Variants in UIMC1 observed in about 807,000 individuals in gnomAD.
UIMC1 encodes the protein BRCA1-A complex subunit RAP80.
In UIMC1, 42 loss-of-function variants were observed where a neutral mutation model predicts 84.9. That is an observed-to-expected ratio of 0.49 (90% CI 0.39 to 0.64). The LOEUF (loss-of-function observed/expected upper bound fraction) is 0.64. UIMC1 is among the 30% of genes least tolerant of loss of function. UIMC1 has a pLI of 0.00. For synonymous variants in UIMC1, 281 were observed against 293.0 expected (o/e 0.96, Z 0.42); for missense variants, 825 against 847.6 (o/e 0.97, Z 0.33).
At position 176,905,214 on chromosome 5, in the gene UIMC1, A is replaced by C; in HGVS notation, c.*68T>G. ...CTTGCTCAACAATGAACTAGGGACC[A>C]CTATGGCTTAATGAACATGGCCCAC... On this transcript the variant is annotated 3_prime_UTR_variant, in exon 15 of 15. Transcript: ENST00000511320. 6.5e-7 allele frequency: 1 copy of C among 1,540,020 alleles called. No individual in the cohort carries two copies. The highest frequency in any genetic ancestry group is 8.9e-7 in the Non-Finnish European group (1 of 1,126,430).
chr5:176,941,600 C>CAATG (rs1764446405), intron 10 of UIMC1, among the ~76,000 whole-genome samples: 1 of 152,106 alleles, frequency 6.6e-6, no homozygotes, highest in Non-Finnish European at 1.5e-5. Context: ...CATAATTATA[C>CAATG]AATGTCACAT....
At chr5:176,915,793 CAAAAAA>C (rs58297107) in intron 10 of UIMC1, among the ~76,000 whole-genome samples, 19 of 42,664 alleles carry the variant, frequency 4.5e-4, no homozygotes, top group African/African-American at 1.5e-3. Flanking sequence ...GGTCACAAAG[CAAAAAA>C]AAAAAAAAAA....
chr5:176,969,313 T>C (rs1470014527), intron 5 of UIMC1, 22 bp from the exon 6 acceptor site: 12 of 1,583,802 alleles, frequency 7.6e-6, no homozygotes, highest in Admixed American at 5.7e-5. Flanking sequence ...TGAGAAAAAG[T>C]AGGGCTAAGG....
intron 4 of UIMC1, 24 bp from the exon 5 acceptor site, chr5:176,969,730 G>A (rs1768911685): frequency 1.9e-5 from 31 of 1,603,142 alleles, no homozygotes; most frequent in Non-Finnish European, 2.6e-5. Context: ...TCCCATACCA[G>A]ACCAGGTTTA....
In UIMC1 at chr5:176,975,395, C is replaced by T. The variant is rs1769903285; in HGVS notation, c.232+1G>A. The T allele has an allele frequency of 6.2e-7, 1 of 1,613,450 alleles. No individual in the cohort carries two copies. Among genetic ancestry groups the T allele is most frequent in the Non-Finnish European group, 8.5e-7 (1 of 1,179,672 alleles). On this transcript the variant is annotated splice_donor_variant, in intron 3 of 14. Coordinates refer to ENST00000511320, the MANE Select transcript of UIMC1 (RefSeq NM_001199298.2). LOFTEE classifies it high-confidence loss of function. ...CCATTATCAACAAAATGAAAACATA[C>T]GTGCGATTTTTCTTTTGGCCAAACA... is the stretch of plus-strand genomic sequence containing the variant.
intron 10 of UIMC1, among the ~76,000 whole-genome samples, chr5:176,939,220 G>A (rs1764102913): frequency 7.0e-6 from 1 of 143,410 alleles, no homozygotes; most frequent in Non-Finnish European, 1.5e-5. Context: ...TTGTATCACT[G>A]TAATCCAGCC....
intron 1 of UIMC1, among the ~76,000 whole-genome samples, chr5:176,992,280 A>G (rs571768720): frequency 8.8e-4 from 134 of 152,248 alleles, no homozygotes; most frequent in African/African-American, 3.0e-3. Context: ...AAAAATTTTT[A>G]TATTTTTTAT....
At chr5:176,999,805 G>A (rs1309812108) in intron 1 of UIMC1, among the ~76,000 whole-genome samples, 1 of 152,066 alleles carries the variant, frequency 6.6e-6, no homozygotes, top group Non-Finnish European at 1.5e-5. Flanking sequence ...TTCATCTGTT[G>A]ATGGACACAG....
intron 1 of UIMC1, among the ~76,000 whole-genome samples, chr5:177,020,118 A>G (rs999246655): frequency 2.6e-5 from 4 of 152,164 alleles, no homozygotes; most frequent in African/African-American, 9.7e-5. Flanking sequence ...AGAATAATTC[A>G]TATCTGTCTC....
chr5:176,957,196 C>A (rs1193119710), intron 7 of UIMC1, among the ~76,000 whole-genome samples: 1 of 152,086 alleles, frequency 6.6e-6, no homozygotes, highest in Non-Finnish European at 1.5e-5. Flanking sequence ...CAAACCAAAG[C>A]CATATTCTTT....
Position 177,019,625 on chromosome 5 carries a change from C to T in UIMC1, c.-9+2839G>A, listed in dbSNP as rs536458998. Among the ~76,000 whole-genome samples the T allele has an allele frequency of 2.9e-4, 33 of 115,490 alleles. No homozygotes were observed. In the South Asian group the frequency reaches 3.9e-3, roughly 14 times the overall value. 75.8% of individuals were successfully genotyped at this position (115,490 alleles called of 152,430 possible). A position where few individuals can be genotyped will look rare whatever the true frequency, so the allele number is the denominator to read the frequency against. On this transcript the variant is annotated intron_variant, in intron 1 of 5. Transcript: ENST00000509236. ...CCACTGCACTAGTGAGACCCTGTCT[C>T]GGAAAAAAAAAAAAAAAAATTGTAG...
chr5:177,016,803 A>G (rs568761281), intron 1 of UIMC1, among the ~76,000 whole-genome samples: 17 of 152,090 alleles, frequency 1.1e-4, no homozygotes, highest in African/African-American at 3.9e-4. Context: ...CAGGTGAATC[A>G]CCTGAGGTCA....
chr5:176,989,538 C>G (rs1368069898), intron 1 of UIMC1, among the ~76,000 whole-genome samples: 1 of 151,808 alleles, frequency 6.6e-6, no homozygotes, highest in Non-Finnish European at 1.5e-5. Flanking sequence ...CACATGCCTG[C>G]AGACCCAGCT....
At chr5:176,939,613 T>C (rs1006791238) in intron 10 of UIMC1, among the ~76,000 whole-genome samples, 1 of 152,234 alleles carries the variant, frequency 6.6e-6, no homozygotes, top group African/African-American at 2.4e-5. Context: ...CTATACCTTA[T>C]AGCCTAGGTG....
chr5:176,909,936 A>G (rs1029782915), intron 11 of UIMC1, among the ~76,000 whole-genome samples: 4 of 152,204 alleles, frequency 2.6e-5, no homozygotes, highest in Non-Finnish European at 4.4e-5. Context: ...ACGAAAGAAT[A>G]ACTACCTTAA....
At chr5:176,986,000 C>T (rs1361936735) in intron 1 of UIMC1, among the ~76,000 whole-genome samples, 2 of 151,976 alleles carry the variant, frequency 1.3e-5, no homozygotes, top group African/African-American at 4.8e-5. Flanking sequence ...CCCTGTAATC[C>T]CAACACTTTG....
intron 6 of UIMC1, among the ~76,000 whole-genome samples, chr5:176,959,348 G>A (rs1429587722): frequency 6.6e-6 from 1 of 152,198 alleles, no homozygotes; most frequent in Non-Finnish European, 1.5e-5. Flanking sequence ...CAAAGCACTA[G>A]TAAGTTAGTT....
At chr5:176,985,712 C>T (rs1771882770) in intron 1 of UIMC1, among the ~76,000 whole-genome samples, 1 of 152,230 alleles carries the variant, frequency 6.6e-6, no homozygotes, top group Middle Eastern at 3.4e-3. Flanking sequence ...TCAAACAACC[C>T]TCCCACCTCA....
rs539886449 is a variant in UIMC1, at chr5:177,019,703, G to A, written c.-9+2761C>T. ...TCCCAGCACTTTAGGAGGCCAAGGC[G>A]GGCAGATCACCTGAGGCCAGGAGTT... On this transcript the variant is annotated intron_variant, in intron 1 of 5. Coordinates refer to the UIMC1 transcript ENST00000509236. Among the ~76,000 whole-genome samples the A allele has an allele frequency of 1.8e-4, 27 of 151,718 alleles. No individual in the cohort carries two copies. The East Asian group carries it at 2.9e-3, about 16-fold the overall frequency.
Sources: allele counts gnomAD v4.1 joint callset (sites outside exome capture counted in the v4.1 genomes callset), GRCh38; gene constraint gnomAD v4.1.1; transcripts MANE v1.5; gene names NCBI Gene and HGNC (gene_info 2026-07-23, HGNC 2026-07-21).